The following CBR4 variants were observed in gnomAD, a reference collection of about 807,000 sequenced individuals.
The protein encoded by CBR4 is 3-oxoacyl-[acyl-carrier-protein] reductase.
CBR4 carries 22 observed loss-of-function variants against 21.0 expected under a neutral mutation model. The ratio of observed to expected loss-of-function variants is 1.05; its 90% confidence interval spans 0.75 to 1.50. CBR4 has a LOEUF of 1.50. CBR4 is among the 40% of genes most tolerant of loss of function. The probability of loss-of-function intolerance (pLI) is 0.00; values close to 1 mark genes in which losing one functional copy is unlikely to be tolerated. For synonymous variants in CBR4, 100 were observed against 104.4 expected, an observed-to-expected ratio of 0.96 and a Z score of 0.26; for missense variants, 302 against 286.3, an observed-to-expected ratio of 1.05 and a Z score of -0.40.
intron 2 of CBR4, among the ~76,000 whole-genome samples, chr4:168,970,526 T>C (rs925156416): frequency 6.6e-6 from 1 of 152,120 alleles, no homozygotes; most frequent in African/African-American, 2.4e-5. Context: ...GAACAGGTGG[T>C]ATTTGGTTAC....
At chr4:168,927,884 T>C (rs1349994558) in intron 2 of CBR4, 2 of 207,472 alleles carry the variant, frequency 9.6e-6, no homozygotes, top group Non-Finnish European at 2.0e-5. Context: ...AAGAAAACAC[T>C]GTATTCCTTA....
chr4:169,006,137 G>T (rs115740497), intron 3 of CBR4, among the ~76,000 whole-genome samples: 5 of 152,054 alleles, frequency 3.3e-5, no homozygotes, highest in Non-Finnish European at 7.4e-5. Context: ...CTCTACACAA[G>T]ATTTAACAGT....
At chr4:168,897,289 T>C (rs1377962686) in intron 2 of CBR4, among the ~76,000 whole-genome samples, 1 of 152,268 alleles carries the variant, frequency 6.6e-6, no homozygotes, top group Non-Finnish European at 1.5e-5. Flanking sequence ...ACTTGTGGTA[T>C]AACTCTTGCA....
chr4:168,949,270 G>A (rs187048465), intron 2 of CBR4, among the ~76,000 whole-genome samples: 306 of 152,298 alleles, frequency 2.0e-3, no homozygotes, highest in Admixed American at 5.5e-3. Context: ...TTCTGGAGGA[G>A]TCTTCAGGGT....
intron 4 of CBR4, among the ~76,000 whole-genome samples, chr4:168,997,293 T>C (rs1234653805): frequency 6.6e-6 from 1 of 152,198 alleles, no homozygotes; most frequent in Admixed American, 6.5e-5. Flanking sequence ...TTAAACCAAT[T>C]TAGAGCAAAG....
rs2126494210 is a variant in CBR4, at chr4:168,921,557, T to C, written n.170-26792A>G. 1 of 1,607,642 alleles carries C rather than the reference T, an allele frequency of 6.2e-7. No individual in the cohort carries two copies. Among genetic ancestry groups the C allele is most frequent in the Non-Finnish European group, 8.5e-7 (1 of 1,178,096 alleles). Reference sequence around the variant, plus strand: ...AGGTCAGTGGGTTACCAACCCCAGATCTAAGCTGGCAACTAGATGGAAAGC... The same window carrying C: ...AGGTCAGTGGGTTACCAACCCCAGACCTAAGCTGGCAACTAGATGGAAAGC... On this transcript the variant is annotated intron_variant and non_coding_transcript_variant, in intron 2 of 3. Transcript: ENST00000509108.
At chr4:168,964,588 G>A (rs560116035) in intron 2 of CBR4, among the ~76,000 whole-genome samples, 1 of 152,156 alleles carries the variant, frequency 6.6e-6, no homozygotes, top group African/African-American at 2.4e-5. Context: ...TCACTATCAA[G>A]AGAATGAGTA....
exon 3 of CBR4, chr4:168,894,756 G>T: frequency 1.3e-6 from 2 of 1,558,648 alleles, no homozygotes; most frequent in East Asian, 2.4e-5. Flanking sequence ...TACTGTTCTT[G>T]GGATGAGTTC....
rs111431412 is a variant in CBR4, at chr4:169,002,366, C to T, written c.401-161G>A. On this transcript the variant is annotated intron_variant, in intron 3 of 4. Coordinates refer to ENST00000306193, the MANE Select transcript of CBR4 (RefSeq NM_032783.5). Reference sequence around the variant, plus strand: ...TCTAACCATTGTCATCAGTCATTTACGGAAGATTTAAGAGTCCAAGTCTGC... The same window carrying T: ...TCTAACCATTGTCATCAGTCATTTATGGAAGATTTAAGAGTCCAAGTCTGC... 1.3e-3 allele frequency among the ~76,000 whole-genome samples: 202 copies of T among 152,248 alleles called. 1 individual carries two copies. Among genetic ancestry groups the T allele is most frequent in the African/African-American group, 4.7e-3 (196 of 41,564 alleles).
chr4:168,977,221 C>A (rs764581578), intron 2 of CBR4, among the ~76,000 whole-genome samples: 18 of 151,892 alleles, frequency 1.2e-4, no homozygotes, highest in African/African-American at 1.7e-4. Flanking sequence ...GCATCTCCCC[C>A]ACAAAAACAA....
chr4:168,934,094 A>T (rs1266405907), intron 2 of CBR4, among the ~76,000 whole-genome samples: 1 of 152,032 alleles, frequency 6.6e-6, no homozygotes, highest in East Asian at 1.9e-4. Context: ...ATTCATCTTA[A>T]GAATCTAGGA....
chr4:168,912,945 C>T (rs1342377159), intron 2 of CBR4, among the ~76,000 whole-genome samples: 1 of 152,104 alleles, frequency 6.6e-6, no homozygotes, highest in Non-Finnish European at 1.5e-5. Context: ...TACATAGGCC[C>T]TTATCATATG....
Position 169,007,715 on chromosome 4 carries a change from C to A in CBR4, c.184G>T (p.Asp62Tyr), listed in dbSNP as rs2126877172. ...AGCTCTTCAAATGTATTTTGAACAT[C>A]ATGTTCTTTAGCAACATCACAGCTA... ...AFSCDVAKEH[D>Y]VQNTFEELEK... The change falls in exon 2 of 5, where the codon GAT becomes TAT. Residue 62 changes from aspartate (D) to tyrosine (Y), a missense_variant. Coordinates refer to ENST00000306193, the MANE Select transcript of CBR4 (RefSeq NM_032783.5). 2 of 1,591,846 alleles carry A rather than the reference C, an allele frequency of 1.3e-6. No homozygotes were observed. The highest frequency in any genetic ancestry group is 4.6e-5 in the East Asian group (2 of 43,416).
intron 2 of CBR4, among the ~76,000 whole-genome samples, chr4:168,959,512 A>G (rs180903467): frequency 2.6e-4 from 38 of 148,770 alleles, no homozygotes; most frequent in African/African-American, 8.5e-4. Flanking sequence ...GCTTTGGCTA[A>G]TCTCGGTGGT....
chr4:168,998,264 A>G (rs1199455728), intron 4 of CBR4, among the ~76,000 whole-genome samples: 5 of 152,234 alleles, frequency 3.3e-5, no homozygotes, highest in Admixed American at 1.3e-4. Flanking sequence ...TGTGCAAAAT[A>G]AACTCCATAC....
rs1764759195 is a variant in CBR4 at position 168,988,245 on chromosome 4, T to C, written c.*1905A>G. 3 of 985,346 alleles carry C rather than the reference T, an allele frequency of 3.0e-6. No individual in the cohort carries two copies. Among genetic ancestry groups the C allele is most frequent in the African/African-American group, 1.7e-5 (1 of 57,250 alleles). 61.0% of individuals were successfully genotyped at this position (985,346 alleles called of 1,614,324 possible). ...TTTTACCTCTTTCAAGATCTCTCCA[T>C]ATATTCCACCAGTTTGAGATAGGCT... On this transcript the variant is annotated 3_prime_UTR_variant, in exon 5 of 5. Transcript: ENST00000306193.
At chr4:168,956,541 T>C (rs919667543) in intron 2 of CBR4, among the ~76,000 whole-genome samples, 3 of 127,152 alleles carry the variant, frequency 2.4e-5, no homozygotes, top group African/African-American at 9.3e-5. Flanking sequence ...GAGGTTGTAG[T>C]GAACTGAGAC....
In CBR4 at chr4:168,898,508, A is replaced by T. The variant is rs1488088422; in HGVS notation, n.170-3743T>A. On this transcript the variant is annotated intron_variant and non_coding_transcript_variant, in intron 2 of 3. Transcript: ENST00000509108. ...CTTGATTCAGGAATACAAAGTCTCC[A>T]GCTGTGAACAGAGACTCATCAGTGA... The T allele has an allele frequency of 1.2e-6, 2 of 1,611,394 alleles. No homozygotes were observed. Among genetic ancestry groups the T allele is most frequent in the Non-Finnish European group, 1.7e-6 (2 of 1,177,494 alleles).
chr4:168,939,871 A>G (rs1002240206), intron 2 of CBR4, among the ~76,000 whole-genome samples: 2 of 152,178 alleles, frequency 1.3e-5, no homozygotes, highest in Non-Finnish European at 2.9e-5. Flanking sequence ...GCCCAAACTA[A>G]TTTATAGATT....
Sources: allele counts gnomAD v4.1 joint callset (sites outside exome capture counted in the v4.1 genomes callset), GRCh38; gene constraint gnomAD v4.1.1; transcripts MANE v1.5; gene names NCBI Gene and HGNC (gene_info 2026-07-23, HGNC 2026-07-21).